ATXN8OS: variants seen among roughly 807,000 people sequenced by gnomAD.
ATXN8OS encodes the protein ATXN8 opposite strand lncRNA.
chr13:70,164,355 AAGGC>A (rs1023123916), intron 4 of ATXN8OS, among the ~76,000 whole-genome samples: 1 of 151,582 alleles, frequency 6.6e-6, no homozygotes, highest in Non-Finnish European at 1.5e-5. Flanking sequence ...TTCTCTTTAC[AAGGC>A]AGGCAAAGCA....
At chr13:70,159,829 C>T (rs557812015) in intron 4 of ATXN8OS, among the ~76,000 whole-genome samples, 1 of 152,256 alleles carries the variant, frequency 6.6e-6, no homozygotes, top group East Asian at 1.9e-4. Context: ...CAGAATAATG[C>T]ATTTGAAATT....
intron 4 of ATXN8OS, among the ~76,000 whole-genome samples, chr13:70,165,001 A>T (rs935440847): frequency 6.6e-6 from 1 of 152,190 alleles, no homozygotes; most frequent in East Asian, 1.9e-4. Context: ...AAAGGTAAAC[A>T]TTCTGATAAA....
intron 1 of ATXN8OS, among the ~76,000 whole-genome samples, chr13:70,114,323 G>A (rs1688544788): frequency 6.6e-6 from 1 of 152,032 alleles, no homozygotes; most frequent in South Asian, 2.1e-4. Context: ...CTAGTCACTG[G>A]CCATCATGGC....
upstream of ATXN8OS, chr13:70,107,774 G>A: frequency 8.5e-7 from 1 of 1,174,504 alleles, no homozygotes; most frequent in Non-Finnish European, 1.2e-6. Context: ...GAGGACAGCG[G>A]GGCCCGGGGG....
At chr13:70,129,242 T>A (rs933224003) in intron 2 of ATXN8OS, among the ~76,000 whole-genome samples, 1 of 152,318 alleles carries the variant, frequency 6.6e-6, no homozygotes, top group African/African-American at 2.4e-5. Flanking sequence ...TATAGCTATA[T>A]GTTATAGTTA....
chr13:70,154,757 G>A (rs1888915730), intron 4 of ATXN8OS, among the ~76,000 whole-genome samples: 1 of 152,176 alleles, frequency 6.6e-6, no homozygotes, highest in Non-Finnish European at 1.5e-5. Context: ...ATAGATTCCT[G>A]TTCTCTGTAA....
intron 3 of ATXN8OS, chr13:70,139,306 A>G (rs1410130193): frequency 5.4e-6 from 3 of 554,668 alleles, no homozygotes; most frequent in Non-Finnish European, 6.3e-6. Context: ...CCTATTCCCA[A>G]TTCCTTGGCT....
intron 3 of ATXN8OS, among the ~76,000 whole-genome samples, chr13:70,145,030 A>G (rs542854063): frequency 6.6e-6 from 1 of 152,236 alleles, no homozygotes; most frequent in South Asian, 2.1e-4. Flanking sequence ...TTTTTGTATA[A>G]GGTGTAAGGA....
chr13:70,125,776 T>G (rs979931737), intron 2 of ATXN8OS, among the ~76,000 whole-genome samples: 2 of 152,092 alleles, frequency 1.3e-5, no homozygotes, highest in African/African-American at 4.8e-5. Context: ...CCAGGGATGT[T>G]TCACTGATGC....
intron 3 of ATXN8OS, among the ~76,000 whole-genome samples, chr13:70,147,211 T>C (rs1040227818): frequency 1.3e-5 from 2 of 152,264 alleles, no homozygotes; most frequent in Non-Finnish European, 1.5e-5. Context: ...AGAAAAGAAA[T>C]ATTGTTCACT....
chr13:70,164,727 A>G (rs1391434110), intron 4 of ATXN8OS, among the ~76,000 whole-genome samples: 1 of 152,060 alleles, frequency 6.6e-6, no homozygotes, highest in African/African-American at 2.4e-5. Flanking sequence ...GCAAGACATT[A>G]TAATGAAACA....
At chr13:70,133,272 T>C (rs1346443603) in intron 3 of ATXN8OS, among the ~76,000 whole-genome samples, 1 of 152,114 alleles carries the variant, frequency 6.6e-6, no homozygotes, top group African/African-American at 2.4e-5. Context: ...ATTTAAAAAA[T>C]ACCCAGATGT....
intron 3 of ATXN8OS, among the ~76,000 whole-genome samples, chr13:70,131,961 G>A (rs1034689810): frequency 5.3e-5 from 8 of 152,098 alleles, no homozygotes; most frequent in African/African-American, 1.2e-4. Flanking sequence ...GTCTAAACAC[G>A]TTTGCATGGC....
intron 4 of ATXN8OS, among the ~76,000 whole-genome samples, chr13:70,150,212 G>C (rs1888843547): frequency 6.6e-6 from 1 of 152,082 alleles, no homozygotes. Flanking sequence ...TCATGAGTGA[G>C]GAAGTGACAG....
intron 3 of ATXN8OS, among the ~76,000 whole-genome samples, chr13:70,137,205 C>A (rs1273873008): frequency 6.6e-6 from 1 of 152,144 alleles, no homozygotes; most frequent in Non-Finnish European, 1.5e-5. Flanking sequence ...TCTTGTCAAA[C>A]AATTTTAAAA....
At chr13:70,110,156 A>T (rs1211358590) in intron 1 of ATXN8OS, among the ~76,000 whole-genome samples, 2 of 152,160 alleles carry the variant, frequency 1.3e-5, no homozygotes, top group Non-Finnish European at 2.9e-5. Flanking sequence ...GTATAAAGGA[A>T]CATGAATTAA....
chr13:70,170,689 C>G (rs1039295784), exon 5 of ATXN8OS, among the ~76,000 whole-genome samples: 2 of 152,082 alleles, frequency 1.3e-5, no homozygotes, highest in African/African-American at 4.8e-5. Context: ...TAAAATTCAA[C>G]TTTTAAATTT....
chr13:70,139,440 A>T, intron 3 of ATXN8OS: 1 of 675,694 alleles, frequency 1.5e-6, no homozygotes. Context: ...ATTTTTTAAA[A>T]ATATATTATC....
intron 4 of ATXN8OS, among the ~76,000 whole-genome samples, chr13:70,157,147 A>G (rs886416898): frequency 1.3e-5 from 2 of 152,140 alleles, no homozygotes; most frequent in African/African-American, 2.4e-5. Context: ...AAGGCTCGTA[A>G]CAACATTATT....
Sources: gnomAD v4.1 joint callset for allele counts (sites outside exome capture counted in the v4.1 genomes callset) on GRCh38, gnomAD v4.1.1 for gene constraint, MANE v1.5 for transcripts, NCBI Gene and HGNC (gene_info 2026-07-23, HGNC 2026-07-21) for gene names.